The following ANO8 variants were observed in gnomAD, a reference collection of about 807,000 sequenced individuals.
ANO8 encodes anoctamin-8.
A neutral mutation model predicts 120.4 loss-of-function variants in ANO8; 67 were observed. That is an observed-to-expected ratio of 0.56 (90% CI 0.46 to 0.68). The LOEUF (loss-of-function observed/expected upper bound fraction) is 0.68. Among genes scored for constraint, ANO8 ranks in the 30% least tolerant of loss-of-function variants. The probability of loss-of-function intolerance (pLI) is 0.00; values close to 1 mark genes in which losing one functional copy is unlikely to be tolerated. For synonymous variants in ANO8, 727 were observed against 759.2 expected (o/e 0.96, Z 0.70); for missense variants, 1,526 against 1,737.6 (o/e 0.88, Z 2.16).
At position 17,328,508 on chromosome 19, in the gene ANO8, C is replaced by T. The variant is rs2074290981; in HGVS notation, c.1880G>A (p.Arg627His). The T allele has an allele frequency of 6.4e-7, 1 of 1,551,888 alleles. No homozygotes were observed. The highest frequency in any genetic ancestry group is 8.7e-7 in the Non-Finnish European group (1 of 1,150,494). ...VSFAERGAGR[R>H]RPGPSPEALL... Reference sequence around the variant, plus strand: ...GGCCTCCGGGCTTGGGCCGGGCCGACGCCGCCCCGCGCCGCGCTCAGCGAA... The same window carrying T: ...GGCCTCCGGGCTTGGGCCGGGCCGATGCCGCCCCGCGCCGCGCTCAGCGAA... Residue 627 changes from arginine (R) to histidine (H), a missense_variant, in exon 13 of 18, where the codon CGT (arginine) becomes CAT (histidine). Coordinates refer to ENST00000159087, the MANE Select transcript of ANO8 (RefSeq NM_020959.3).
At chr19:17,324,474 G>A (rs911661061) in intron 17 of ANO8, among the ~76,000 whole-genome samples, 7 of 152,160 alleles carry the variant, frequency 4.6e-5, no homozygotes, top group Middle Eastern at 6.8e-3. Flanking sequence ...TGCAGTCCTG[G>A]GACAAGGGGC....
chr19:17,330,695 G>A, intron 8 of ANO8, 133 bp downstream of exon 8: 1 of 1,431,670 alleles, frequency 7.0e-7, no homozygotes, highest in Non-Finnish European at 9.4e-7. Flanking sequence ...AGCACACAGA[G>A]CCCGCCTCGG....
rs774961738 is a variant in ANO8, at chr19:17,328,624, C to G, written c.1764G>C (p.Glu588Asp). 2.2e-5 allele frequency: 33 copies of G among 1,523,298 alleles called. No homozygotes were observed. The highest frequency in any genetic ancestry group is 1.8e-4 in the African/African-American group (13 of 72,220). 94.4% of individuals were successfully genotyped at this position (1,523,298 alleles called of 1,614,324 possible). A position where few individuals can be genotyped will look rare whatever the true frequency, so the allele number is the denominator to read the frequency against. ...CCTCTTCCTCCTCGTCCTCCTCCTC[C>G]TCGTCGTCCTCGTCCTCCTCCTTGC... ...PGGKEEDEDD[E>D]EEEDEEEEED... The change falls in exon 13 of 18, where the codon GAG becomes GAC. Residue 588 changes from glutamate (E) to aspartate (D), a missense_variant. Coordinates refer to ENST00000159087, the MANE Select transcript of ANO8 (RefSeq NM_020959.3).
At chr19:17,331,773 A>G (rs1320688185) in intron 5 of ANO8, among the ~76,000 whole-genome samples, 1 of 151,128 alleles carries the variant, frequency 6.6e-6, no homozygotes, top group Non-Finnish European at 1.5e-5. Context: ...AGCTGGGATT[A>G]TAGGCGCCCA....
intron 1 of ANO8, 41 bp downstream of exon 1, chr19:17,334,524 G>A: frequency 6.8e-7 from 1 of 1,476,660 alleles, no homozygotes; most frequent in Non-Finnish European, 9.1e-7. Context: ...GGGCTCCCCA[G>A]GCACCTGCAA....
rs1312115989 is a variant in ANO8, at chr19:17,324,722, C to A, written c.3326G>T (p.Gly1109Val). The A allele has an allele frequency of 1.3e-6, 2 of 1,523,540 alleles. No homozygotes were observed. The allele number at this position is 1,523,540 out of a possible 1,614,324, so 94.4% of individuals were successfully genotyped here. ...ELEAPRPEEE[G>V]SGTALAPVGA... Reference sequence around the variant, plus strand: ...CCCGAGTTAAAGCTTGTGACCTGAGCCTTCCTCTTCGGGCCGGGGGGCTTC... The same window carrying A: ...CCCGAGTTAAAGCTTGTGACCTGAGACTTCCTCTTCGGGCCGGGGGGCTTC... The change falls in exon 17 of 18, where the codon GGC becomes GTC. Residue 1109 changes from glycine (G) to valine (V), a missense_variant. This residue lies in a region of ANO8 where 489 missense variants were observed against 548.6 expected (regional missense o/e 0.89). Transcript: ENST00000159087.
rs937475858 is a variant in ANO8 at position 17,323,842 on chromosome 19, C to T, written c.3374G>A (p.Arg1125His). Residue 1125 changes from arginine (R) to histidine (H), a missense_variant, in exon 18 of 18, where the codon CGC becomes CAC. Transcript: ENST00000159087. The part of the protein sequence containing the change: ...APVGAPALRT[R>H]RSRSPAPPPP... The stretch of plus-strand genomic sequence containing the variant: ...CGGCGGCGCGGGGCTCCGGCTGCGG[C>T]GGGTGCGGAGGGCAGGGGCGCCCAC... 9.0e-5 allele frequency: 102 copies of T among 1,127,322 alleles called. No individual in the cohort carries two copies. The highest frequency in any genetic ancestry group is 1.0e-4 in the Non-Finnish European group (96 of 921,150). The allele number at this position is 1,127,322 out of a possible 1,614,324, so 69.8% of individuals were successfully genotyped here.
chr19:17,333,245 A>G lies in ANO8; in HGVS notation c.351-6T>C. The G allele has an allele frequency of 1.2e-6, 2 of 1,607,922 alleles. No individual in the cohort carries two copies. Among genetic ancestry groups the G allele is most frequent in the East Asian group, 2.2e-5 (1 of 44,696 alleles). ...CGTCGGCCCCTCGGAGTAGGCTGTGAAGAAGGCGGAGGAGGTGGGCTCACA... is the reference window on the plus strand; with the variant it reads ...CGTCGGCCCCTCGGAGTAGGCTGTGGAGAAGGCGGAGGAGGTGGGCTCACA... On this transcript the variant is annotated splice_polypyrimidine_tract_variant and splice_region_variant and intron_variant, in intron 3 of 17. Coordinates refer to ENST00000159087, the MANE Select transcript of ANO8 (RefSeq NM_020959.3). The surrounding 1 kb of genome is among the most constrained non-coding windows in gnomAD (Gnocchi z 7.2).
chr19:17,333,932 G>A lies in ANO8; in HGVS notation c.107-132C>T, dbSNP rs1203931269. On this transcript the variant is annotated intron_variant, in intron 1 of 17. Coordinates refer to ENST00000159087, the MANE Select transcript of ANO8 (RefSeq NM_020959.3). This position sits in a 1 kb window ranked among gnomAD's most constrained non-coding sequence, Gnocchi z 7.2. ...GCATTCAAGGCCCCGGGAGCTCTGGGCTTGGCTTATTTTCCTCCCTCCACG... is the reference window on the plus strand; with the variant it reads ...GCATTCAAGGCCCCGGGAGCTCTGGACTTGGCTTATTTTCCTCCCTCCACG... The A allele has an allele frequency of 1.3e-6, 1 of 741,978 alleles. No homozygotes were observed. The highest frequency in any genetic ancestry group is 1.7e-5 in the South Asian group (1 of 58,200). 46.0% of individuals were successfully genotyped at this position (741,978 alleles called of 1,614,324 possible). A position where few individuals can be genotyped will look rare whatever the true frequency, so the allele number is the denominator to read the frequency against.
In ANO8 at chr19:17,327,815, G is replaced by A. The variant is rs2074283104; in HGVS notation, c.2292C>T (p.Ala764=). 5.0e-6 allele frequency: 8 copies of A among 1,614,114 alleles called. No individual in the cohort carries two copies. The East Asian group carries it at 1.8e-4, about 36-fold the overall frequency. The change falls in exon 14 of 18, where the codon GCC becomes GCT. Residue 764 remains alanine (A), a synonymous_variant. Transcript: ENST00000159087. ...GGGCGCACAGCGCCGCCAGGGGGAA[G>A]GCGGACGAGAAGAGCACAACGTAGC... is the stretch of plus-strand genomic sequence containing the variant. ...QFGYVVLFSS[A]FPLAALCALV... is the part of the protein sequence containing the mutation.
chr19:17,323,870 G>A lies in ANO8; in HGVS notation c.3346C>T (p.Pro1116Ser). 4 of 1,121,722 alleles carry A rather than the reference G, an allele frequency of 3.6e-6. No homozygotes were observed. The highest frequency in any genetic ancestry group is 3.3e-5 in the African/African-American group (2 of 60,340). 69.5% of individuals were successfully genotyped at this position (1,121,722 alleles called of 1,614,324 possible). A position where few individuals can be genotyped will look rare whatever the true frequency, so the allele number is the denominator to read the frequency against. Residue 1116 changes from proline to serine, a missense_variant, in exon 18 of 18, where the codon CCC becomes TCC. Physicochemically the swap from Pro to Ser is moderately conservative, Grantham distance 74. Transcript: ENST00000159087. ...GTGCGGAGGGCAGGGGCGCCCACGGGGGCCAGCGCTGTCCCTGCGGAGGCG... is the reference window on the plus strand; with the variant it reads ...GTGCGGAGGGCAGGGGCGCCCACGGAGGCCAGCGCTGTCCCTGCGGAGGCG... ...EEEGSGTALA[P>S]VGAPALRTRR...
chr19:17,333,118 G>A lies in ANO8; in HGVS notation c.472C>T (p.Arg158Cys). 6.2e-7 allele frequency: 1 copy of A among 1,614,144 alleles called. No individual in the cohort carries two copies. Among genetic ancestry groups the A allele is most frequent in the Non-Finnish European group, 8.5e-7 (1 of 1,180,030 alleles). Residue 158 changes from arginine to cysteine, a missense_variant, in exon 4 of 18, where the codon CGC becomes TGC. By Grantham distance (180) the Arg-to-Cys change is radical. This residue lies in a region of ANO8 where 322 missense variants were observed against 431.8 expected (regional missense o/e 0.75). Transcript: ENST00000159087. The surrounding 1 kb of genome is among the most constrained non-coding windows in gnomAD (Gnocchi z 7.2). ...GGCCTCACCTGGGAGGTGAAGAAGC[G>A]TAGCTCGCTCTCCACATTCTCATAG... ...FIYENVESEL[R>C]FFTSQERQSI...
At chr19:17,331,619 A>T (rs2074318694) in intron 5 of ANO8, among the ~76,000 whole-genome samples, 1 of 150,968 alleles carries the variant, frequency 6.6e-6, no homozygotes, top group Non-Finnish European at 1.5e-5. Context: ...ATGTAAAGGA[A>T]CTGGGAGAGT....
chr19:17,329,228 C>G, intron 12 of ANO8: 1 of 455,238 alleles, frequency 2.2e-6, no homozygotes, highest in Non-Finnish European at 3.9e-6. Context: ...CGTCTCCACC[C>G]CACCGCGGGC....
At chr19:17,332,177 C>A (rs533138535) in intron 5 of ANO8, among the ~76,000 whole-genome samples, 2 of 151,660 alleles carry the variant, frequency 1.3e-5, no homozygotes, top group African/African-American at 2.4e-5. Context: ...CCTCGTGATA[C>A]GCCCGCCTCA....
chr19:17,325,511 A>G (rs897377213), intron 16 of ANO8, 125 bp from the exon 17 acceptor site: 20 of 1,351,278 alleles, frequency 1.5e-5, no homozygotes, highest in Middle Eastern at 5.1e-4. Context: ...TTAGGCTCCA[A>G]CTGTATCCCT....
chr19:17,329,656 G>A (rs2074302248), intron 12 of ANO8, 101 bp downstream of exon 12: 2 of 820,960 alleles, frequency 2.4e-6, no homozygotes, highest in East Asian at 2.6e-5. Context: ...TGGAGGAGGG[G>A]AGGGAGGGGC....
Position 17,334,768 on chromosome 19 carries a change from A to G in ANO8, c.-98T>C, listed in dbSNP as rs2074350946. On this transcript the variant is annotated 5_prime_UTR_variant, in exon 1 of 18. Coordinates refer to ENST00000159087, the MANE Select transcript of ANO8 (RefSeq NM_020959.3). ...CAGCCGCGGAGCGCGCGGGAGGAGG[A>G]GACAAAGGCCGCGCCCGCCCGCGCC... The G allele has an allele frequency of 8.4e-7, 1 of 1,194,970 alleles. No homozygotes were observed. Among genetic ancestry groups the G allele is most frequent in the Admixed American group, 3.7e-5 (1 of 26,836 alleles). 74.0% of individuals were successfully genotyped at this position (1,194,970 alleles called of 1,614,324 possible).
chr19:17,323,758 C>G lies in ANO8; in HGVS notation c.3458G>C (p.Gly1153Ala). The G allele has an allele frequency of 8.4e-7, 1 of 1,194,122 alleles. No homozygotes were observed. The highest frequency in any genetic ancestry group is 1.0e-6 in the Non-Finnish European group (1 of 963,442). 74.0% of individuals were successfully genotyped at this position (1,194,122 alleles called of 1,614,324 possible). Residue 1153 changes from glycine to alanine, a missense_variant, in exon 18 of 18, where the codon GGG becomes GCG. Gly to Ala is a moderately conservative substitution (Grantham distance 60). Coordinates refer to ENST00000159087, the MANE Select transcript of ANO8 (RefSeq NM_020959.3). ...ACCCTCGCCCCCGCAGCCCCAGGGC[C>G]CGTCCCACTGCCAGCAGCCTGCGGG... The part of the protein sequence containing the change: ...TPPAGCWQWD[G>A]PWGCGGEGAA...
Sources: allele counts gnomAD v4.1 joint callset (sites outside exome capture counted in the v4.1 genomes callset), GRCh38; gene constraint gnomAD v4.1.1; regional missense constraint gnomAD v4.1.1; non-coding constraint Gnocchi (gnomAD v3.1); transcripts MANE v1.5; gene names NCBI Gene and HGNC (gene_info 2026-07-23, HGNC 2026-07-21).